The following ERCC6L2 variants were observed in gnomAD, a reference collection of about 807,000 sequenced individuals.
ERCC6L2 encodes the protein ERCC excision repair 6 like 2.
A neutral mutation model predicts 132.0 loss-of-function variants in ERCC6L2; 77 were observed. The ratio of observed to expected loss-of-function variants is 0.58; its 90% CI spans 0.49 to 0.71. The LOEUF (loss-of-function observed/expected upper bound fraction) is 0.71. Among genes scored for constraint, ERCC6L2 ranks in the 30% least tolerant of loss-of-function variants. ERCC6L2 has a pLI of 0.00. For synonymous variants in ERCC6L2, 583 were observed against 632.4 expected (o/e 0.92, Z 1.17); for missense variants, 1,542 against 1,837.6 (o/e 0.84, Z 2.94).
At chr9:95,986,072 C>T (rs1191954741) in intron 17 of ERCC6L2, among the ~76,000 whole-genome samples, 1 of 152,208 alleles carries the variant, frequency 6.6e-6, no homozygotes, top group African/African-American at 2.4e-5. Flanking sequence ...TCATCTGTGA[C>T]AGCTCTCCCC....
chr9:95,940,240 G>A (rs1259740680), intron 11 of ERCC6L2, among the ~76,000 whole-genome samples: 1 of 152,134 alleles, frequency 6.6e-6, no homozygotes, highest in Non-Finnish European at 1.5e-5. Flanking sequence ...TTGTTCCTTG[G>A]TGTTTGGCAG....
In ERCC6L2 at chr9:95,875,934, G is replaced by T; in HGVS notation, c.-105G>T. ...GAAGAGCGATGCTCGGAGGGCGGCC[G>T]GAAGTGGCGTTGGCCGCCATTGGCC... On this transcript the variant is annotated 5_prime_UTR_variant, in exon 1 of 19. Coordinates refer to ENST00000653738, the MANE Select transcript of ERCC6L2 (RefSeq NM_020207.7). 1.6e-6 allele frequency: 2 copies of T among 1,256,380 alleles called. No individual in the cohort carries two copies. Among genetic ancestry groups the T allele is most frequent in the Non-Finnish European group, 2.2e-6 (2 of 894,658 alleles). The allele number at this position is 1,256,380 out of a possible 1,614,324, so 77.8% of individuals were successfully genotyped here.
chr9:96,040,164 G>T (rs915202319), intron 20 of ERCC6L2, among the ~76,000 whole-genome samples: 1 of 145,556 alleles, frequency 6.9e-6, no homozygotes, highest in Non-Finnish European at 1.5e-5. Flanking sequence ...CCCCCCCCAA[G>T]CACCCCCACA....
At chr9:95,957,789 G>T (rs754245005) in intron 13 of ERCC6L2, among the ~76,000 whole-genome samples, 1 of 151,686 alleles carries the variant, frequency 6.6e-6, no homozygotes, top group Non-Finnish European at 1.5e-5. Flanking sequence ...AAGATAGTTT[G>T]GAATTTTAAC....
chr9:95,876,089 C>T lies in ERCC6L2; in HGVS notation c.46+5C>T, dbSNP rs1827247278. Reference sequence around the variant, plus strand: ...GCGCGGAAACCTCAGGCAAAGGTACCAGCTCCGCGCTCGCCCCTTACGCAG... The same window carrying T: ...GCGCGGAAACCTCAGGCAAAGGTACTAGCTCCGCGCTCGCCCCTTACGCAG... On this transcript the variant is annotated splice_donor_5th_base_variant and intron_variant, in intron 1 of 18. Transcript: ENST00000653738. The T allele has an allele frequency of 1.9e-6, 3 of 1,568,834 alleles. No individual in the cohort carries two copies. The highest frequency in any genetic ancestry group is 1.2e-5 in the South Asian group (1 of 85,392).
At chr9:95,895,492 CT>C (rs932547790) in intron 2 of ERCC6L2, among the ~76,000 whole-genome samples, 40 of 152,020 alleles carry the variant, frequency 2.6e-4, no homozygotes, top group African/African-American at 8.2e-4. Flanking sequence ...GTTTTTCCCA[CT>C]TTTTTTGTGT....
chr9:95,914,982 T>C (rs1829512736), intron 4 of ERCC6L2, among the ~76,000 whole-genome samples: 1 of 152,218 alleles, frequency 6.6e-6, no homozygotes, highest in Non-Finnish European at 1.5e-5. Flanking sequence ...TTCATAGAAC[T>C]CCTGGATTTT....
chr9:95,960,672 T>G (rs1190883629), intron 13 of ERCC6L2, among the ~76,000 whole-genome samples: 1 of 152,154 alleles, frequency 6.6e-6, no homozygotes, highest in Non-Finnish European at 1.5e-5. Context: ...TGCCAACACC[T>G]TGATTTCAGT....
At chr9:95,985,888 T>C (rs1435486103) in intron 17 of ERCC6L2, among the ~76,000 whole-genome samples, 3 of 152,218 alleles carry the variant, frequency 2.0e-5, no homozygotes, top group Non-Finnish European at 2.9e-5. Context: ...TTATATTCTG[T>C]TATGTACTAA....
At chr9:96,004,744 A>C in intron 18 of ERCC6L2, 43 bp downstream of exon 18, 207 of 1,204,852 alleles carry the variant, frequency 1.7e-4, no homozygotes, top group Middle Eastern at 2.3e-4. Flanking sequence ...AATAATTCTC[A>C]AAGGAAATGT....
intron 4 of ERCC6L2, among the ~76,000 whole-genome samples, chr9:95,907,826 T>TACACACACACACACACACACACACACAC (rs373670619): frequency 4.9e-5 from 2 of 40,870 alleles, no homozygotes; most frequent in Admixed American, 3.6e-4. Flanking sequence ...GGGCAAAAAC[T>TACACACACACACACACACACACACACAC]ACACACACAC....
intron 4 of ERCC6L2, among the ~76,000 whole-genome samples, chr9:95,913,024 CAGGTTAAGA>C (rs1442375463): frequency 6.6e-6 from 1 of 152,138 alleles, no homozygotes; most frequent in East Asian, 1.9e-4. Flanking sequence ...GTTTGTCCCA[CAGGTTAAGA>C]AGGTTACCAT....
intron 17 of ERCC6L2, among the ~76,000 whole-genome samples, chr9:95,993,818 A>G (rs1462661830): frequency 6.6e-6 from 1 of 152,220 alleles, no homozygotes; most frequent in Non-Finnish European, 1.5e-5. Flanking sequence ...CCATGGTTAA[A>G]AACTTTCATC....
downstream of ERCC6L2, among the ~76,000 whole-genome samples, chr9:96,018,551 C>G (rs1453238575): frequency 6.6e-6 from 1 of 151,966 alleles, no homozygotes; most frequent in Non-Finnish European, 1.5e-5. Flanking sequence ...GCCTCGACCT[C>G]CCAGGATCAA....
chr9:96,034,775 G>T (rs1029340441), intron 19 of ERCC6L2, among the ~76,000 whole-genome samples: 9 of 151,830 alleles, frequency 5.9e-5, no homozygotes, highest in African/African-American at 1.2e-4. Context: ...TCCTGGATGG[G>T]ACTACAGCCA....
Position 96,012,969 on chromosome 9 carries a change from G to C in ERCC6L2, c.4419G>C (p.Gln1473His). 7.3e-7 allele frequency: 1 copy of C among 1,367,282 alleles called. No homozygotes were observed. The highest frequency in any genetic ancestry group is 9.8e-7 in the Non-Finnish European group (1 of 1,021,656). The allele number at this position is 1,367,282 out of a possible 1,614,324, so 84.7% of individuals were successfully genotyped here. A position where few individuals can be genotyped will look rare whatever the true frequency, so the allele number is the denominator to read the frequency against. The change falls in exon 19 of 19, where the codon CAG becomes CAC. Residue 1473 changes from glutamine (Q) to histidine (H), a missense_variant. By Grantham distance (24) the Gln-to-His change is conservative (BLOSUM62 0). This residue lies in a region of ERCC6L2 where 442 missense variants were observed against 583.4 expected (regional missense o/e 0.76). Coordinates refer to ENST00000653738, the MANE Select transcript of ERCC6L2 (RefSeq NM_020207.7). ...CAGGGCCCATGGAAAAAGCAAAACA[G>C]AGACCAAAAGATTTCTGGGACATCT... Reference protein sequence around the residue: ...VLSGPMEKAKQRPKDFWDILN... With the variant: ...VLSGPMEKAKHRPKDFWDILN...
At chr9:95,992,542 A>T (rs1407833042) in intron 17 of ERCC6L2, among the ~76,000 whole-genome samples, 1 of 152,364 alleles carries the variant, frequency 6.6e-6, no homozygotes, top group East Asian at 1.9e-4. Flanking sequence ...ATAGGGAATT[A>T]ACTCTAATTT....
Position 96,012,503 on chromosome 9 carries a change from AT to A in ERCC6L2, c.3955del (p.Ser1319LeufsTer11). ...LSDSETLSFK[D>X]STNKISQVCS... ...GATTCTGAAACCTTGTCATTTAAAG[AT>A]TCTACCAACAAAATTTCTCAAGTTT... On this transcript the variant is annotated frameshift_variant, in exon 19 of 19. Coordinates refer to ENST00000653738, the MANE Select transcript of ERCC6L2 (RefSeq NM_020207.7). LOFTEE classifies it low-confidence loss of function (END_TRUNC). 1 of 1,367,536 alleles carries A rather than the reference AT, an allele frequency of 7.3e-7. No individual in the cohort carries two copies. The highest frequency in any genetic ancestry group is 9.8e-7 in the Non-Finnish European group (1 of 1,021,816). 84.7% of individuals were successfully genotyped at this position (1,367,536 alleles called of 1,614,324 possible).
Position 96,012,634 on chromosome 9 carries a change from A to G in ERCC6L2, c.4084A>G (p.Ser1362Gly). The G allele has an allele frequency of 7.3e-7, 1 of 1,367,660 alleles. No individual in the cohort carries two copies. The highest frequency in any genetic ancestry group is 9.8e-7 in the Non-Finnish European group (1 of 1,021,834). The allele number at this position is 1,367,660 out of a possible 1,614,324, so 84.7% of individuals were successfully genotyped here. A position where few individuals can be genotyped will look rare whatever the true frequency, so the allele number is the denominator to read the frequency against. ...TGCAGAAACTAAGAAATCACCTGTT[A>G]GTTCTACTCAAGAGATTGACAGTGG... is the stretch of plus-strand genomic sequence containing the variant. ...NDAETKKSPV[S>G]STQEIDSGKN... Residue 1362 changes from serine (S) to glycine (G), a missense_variant, in exon 19 of 19, where the codon AGT becomes GGT. Transcript: ENST00000653738.
Sources: gnomAD v4.1 joint callset for allele counts (sites outside exome capture counted in the v4.1 genomes callset) on GRCh38, gnomAD v4.1.1 for gene constraint, gnomAD v4.1.1 regional missense constraint, MANE v1.5 for transcripts, NCBI Gene and HGNC (gene_info 2026-07-23, HGNC 2026-07-21) for gene names.